The following MLIP variants were observed in gnomAD, a reference collection of about 807,000 sequenced individuals.
MLIP encodes muscular LMNA-interacting protein.
A neutral mutation model predicts 84.8 loss-of-function variants in MLIP; 79 were observed. The ratio of observed to expected loss-of-function variants is 0.93; its 90% CI spans 0.78 to 1.12. The LOEUF (loss-of-function observed/expected upper bound fraction) is 1.12, where lower values mean the gene tolerates loss of function less well. Ranked by LOEUF, MLIP falls within the 50% of genes most tolerant of loss-of-function variation. The pLI, the probability that MLIP is intolerant of heterozygous loss-of-function variation, is 0.00. For synonymous variants in MLIP, 504 were observed against 463.0 expected (o/e 1.09, Z -1.14); for missense variants, 1,257 against 1,160.6 (o/e 1.08, Z -1.21).
At chr6:54,222,582 T>C (rs565362387) in intron 11 of MLIP, among the ~76,000 whole-genome samples, 1 of 152,216 alleles carries the variant, frequency 6.6e-6, no homozygotes, top group African/African-American at 2.4e-5. Context: ...TATTCCATTA[T>C]ATGTATTTAT....
Position 54,137,371 on chromosome 6 carries a change from A to G in MLIP, c.1302A>G (p.Ala434=), listed in dbSNP as rs1455468225. Residue 434 remains alanine (A), a synonymous_variant, in exon 4 of 14, where the codon GCA becomes GCG. Coordinates refer to ENST00000502396, the MANE Select transcript of MLIP (RefSeq NM_001281747.2). The part of the protein sequence containing the change: ...NPSHQRPFSP[A]SCPTFSLNSP... ...CCCACCAAAGACCCTTTTCCCCTGCATCCTGTCCCACCTTCTCTCTCAACT... is the reference window on the plus strand; with the variant it reads ...CCCACCAAAGACCCTTTTCCCCTGCGTCCTGTCCCACCTTCTCTCTCAACT... 1.3e-6 allele frequency: 2 copies of G among 1,535,962 alleles called. No individual in the cohort carries two copies. The highest frequency in any genetic ancestry group is 8.7e-7 in the Non-Finnish European group (1 of 1,146,872).
intron 11 of MLIP, among the ~76,000 whole-genome samples, chr6:54,220,588 C>T (rs948629238): frequency 6.6e-6 from 1 of 151,934 alleles, no homozygotes; most frequent in Non-Finnish European, 1.5e-5. Context: ...GAGTAATGAG[C>T]CAATTACTCC....
chr6:54,202,288 A>C (rs1350981087), intron 11 of MLIP, 55 bp downstream of exon 11: 1 of 727,604 alleles, frequency 1.4e-6, no homozygotes, highest in African/African-American at 3.2e-5. Flanking sequence ...AATATATATA[A>C]AATATATATA....
intron 1 of MLIP, among the ~76,000 whole-genome samples, chr6:54,114,902 G>C (rs1769777775): frequency 6.6e-6 from 1 of 152,198 alleles, no homozygotes; most frequent in Non-Finnish European, 1.5e-5. Context: ...AAAAAGGGCA[G>C]AGATGCAGAT....
At chr6:54,139,160 T>C (rs1772080270) in intron 4 of MLIP, among the ~76,000 whole-genome samples, 2 of 152,166 alleles carry the variant, frequency 1.3e-5, no homozygotes, top group African/African-American at 4.8e-5. Context: ...TAAAGGGAAG[T>C]AAGAGATTTT....
chr6:54,124,398 T>A, intron 2 of MLIP, 75 bp from the exon 3 acceptor site: 1 of 1,379,436 alleles, frequency 7.2e-7, no homozygotes, highest in Non-Finnish European at 9.8e-7. Context: ...AGGTTAAGCT[T>A]TTCAGTGTAC....
In MLIP at chr6:54,137,157, A is replaced by C; in HGVS notation, c.1088A>C (p.Tyr363Ser). The change falls in exon 4 of 14, where the codon TAC becomes TCC. Residue 363 changes from tyrosine (Y) to serine (S), a missense_variant. Coordinates refer to ENST00000502396, the MANE Select transcript of MLIP (RefSeq NM_001281747.2). Reference protein sequence around the residue: ...SASLKSNSASYIPVRIVTHSL... With the variant: ...SASLKSNSASSIPVRIVTHSL... ...TCTCTGAAGTCGAATTCGGCCTCGT[A>C]CATACCAGTCCGCATTGTCACGCAT... is the stretch of plus-strand genomic sequence containing the variant. 6.5e-7 allele frequency: 1 copy of C among 1,536,054 alleles called. No homozygotes were observed. The highest frequency in any genetic ancestry group is 8.7e-7 in the Non-Finnish European group (1 of 1,146,878).
At chr6:54,253,407 G>A (rs6905414) in intron 12 of MLIP, among the ~76,000 whole-genome samples, 20,540 of 152,036 alleles carry the variant, frequency 0.14, 1,585 homozygotes, top group African/African-American at 0.2. Flanking sequence ...GGAATGTATG[G>A]CACCCATGGT....
At chr6:54,121,662 G>T (rs1235104341) in intron 2 of MLIP, 60 bp downstream of exon 2, 4 of 1,320,378 alleles carry the variant, frequency 3.0e-6, no homozygotes, top group Non-Finnish European at 4.1e-6. Flanking sequence ...TGATAATGAT[G>T]ACTTGGAAAT....
At chr6:54,159,202 T>G (rs936031670) in intron 5 of MLIP, among the ~76,000 whole-genome samples, 1 of 152,138 alleles carries the variant, frequency 6.6e-6, no homozygotes, top group East Asian at 1.9e-4. Context: ...TGTAAGCCAC[T>G]GTGAATGGCC....
intron 4 of MLIP, among the ~76,000 whole-genome samples, chr6:54,138,807 G>C (rs889018124): frequency 6.6e-6 from 1 of 152,168 alleles, no homozygotes; most frequent in Non-Finnish European, 1.5e-5. Context: ...AGGCATGCTG[G>C]CTTCCCAACT....
intron 1 of MLIP, among the ~76,000 whole-genome samples, chr6:54,044,404 C>T (rs1318214413): frequency 2.0e-5 from 3 of 152,186 alleles, no homozygotes; most frequent in African/African-American, 7.2e-5. Flanking sequence ...TGTATAAATC[C>T]GATTGCTGTG....
At chr6:54,131,726 G>A (rs1206982205) in intron 3 of MLIP, among the ~76,000 whole-genome samples, 1 of 152,172 alleles carries the variant, frequency 6.6e-6, no homozygotes, top group African/African-American at 2.4e-5. Flanking sequence ...CTTGGGATAT[G>A]TATGTATATA....
intron 4 of MLIP, among the ~76,000 whole-genome samples, chr6:54,144,524 T>C (rs6458980): frequency 0.017 from 2,528 of 152,304 alleles, 82 homozygotes; most frequent in African/African-American, 0.056. Context: ...AGCATTAGAT[T>C]CTTATAAGGG....
chr6:54,109,213 C>T (rs977245909), upstream of MLIP, among the ~76,000 whole-genome samples: 10 of 35,716 alleles, frequency 2.8e-4, no homozygotes, highest in Non-Finnish European at 5.0e-4. Context: ...TGATGACCTA[C>T]ATTTAACCTA....
chr6:54,240,054 C>A (rs187182024), intron 12 of MLIP, among the ~76,000 whole-genome samples: 402 of 152,196 alleles, frequency 2.6e-3, no homozygotes, highest in African/African-American at 9.0e-3. Flanking sequence ...TTTGCAGAAT[C>A]AATGAATTGT....
At chr6:54,063,770 T>C (rs970170740) in intron 1 of MLIP, among the ~76,000 whole-genome samples, 2 of 151,580 alleles carry the variant, frequency 1.3e-5, no homozygotes, top group Admixed American at 1.3e-4. Context: ...CCTTTCTTAG[T>C]ACGTATAGTA....
rs556801427 is a variant in MLIP at position 54,200,467 on chromosome 6, T to A, written c.2590-1638T>A. On this transcript the variant is annotated intron_variant, in intron 10 of 13. Coordinates refer to ENST00000502396, the MANE Select transcript of MLIP (RefSeq NM_001281747.2). ...GGAGAAAGTGCAGGAAGTGCAGGAA[T>A]AGGAGAAGAAGAAAGAAGAAATGAA... Among the ~76,000 whole-genome samples the A allele has an allele frequency of 5.9e-5, 9 of 151,832 alleles. No individual in the cohort carries two copies. In the South Asian group the frequency reaches 1.9e-3, roughly 32 times the overall value.
At chr6:54,152,428 G>A (rs1582296383) in intron 5 of MLIP, among the ~76,000 whole-genome samples, 1 of 152,176 alleles carries the variant, frequency 6.6e-6, no homozygotes, top group Non-Finnish European at 1.5e-5. Flanking sequence ...CCACATGGCT[G>A]AGGAGGCCTC....
Sources: allele counts gnomAD v4.1 joint callset (sites outside exome capture counted in the v4.1 genomes callset), GRCh38; gene constraint gnomAD v4.1.1; transcripts MANE v1.5; gene names NCBI Gene and HGNC (gene_info 2026-07-23, HGNC 2026-07-21).